Variants in ITPR2 observed in about 807,000 individuals in gnomAD.
ITPR2 encodes inositol 1,4,5-trisphosphate receptor type 2.
A neutral mutation model predicts 317.1 loss-of-function variants in ITPR2; 207 were observed. That is an observed-to-expected ratio of 0.65 (90% CI 0.58 to 0.73). The LOEUF (loss-of-function observed/expected upper bound fraction) is 0.73, where lower values mean the gene tolerates loss of function less well. ITPR2 is among the 30% of genes least tolerant of loss of function. ITPR2 has a pLI of 0.00. For missense variants in ITPR2, 2,613 were observed against 3,284.0 expected (o/e 0.80, Z 4.99); for synonymous variants, 1,156 against 1,149.1 (o/e 1.01, Z -0.12).
intron 37 of ITPR2, among the ~76,000 whole-genome samples, chr12:26,528,380 T>C (rs1843224): frequency 0.79 from 120,862 of 152,136 alleles, 48,868 homozygotes; most frequent in Non-Finnish European, 0.88. Context: ...CTTGTATGTT[T>C]GAGGAACACT....
intron 41 of ITPR2, 26 bp from the exon 42 acceptor site, chr12:26,483,924 A>G: frequency 6.3e-7 from 1 of 1,591,104 alleles, no homozygotes; most frequent in Non-Finnish European, 8.6e-7. Flanking sequence ...AATAAAATTG[A>G]AGGGTTACAA....
intron 35 of ITPR2, 42 bp from the exon 36 acceptor site, chr12:26,556,417 T>A: frequency 6.3e-7 from 1 of 1,577,322 alleles, no homozygotes; most frequent in Non-Finnish European, 8.6e-7. Context: ...AAGGCGTAAG[T>A]CAGATTTCAT....
chr12:26,420,270 C>T (rs962113110), intron 49 of ITPR2, among the ~76,000 whole-genome samples: 4 of 152,066 alleles, frequency 2.6e-5, no homozygotes, highest in East Asian at 1.9e-4. Flanking sequence ...CTAATTGTTC[C>T]GAGTTCTTTA....
At chr12:26,594,960 GA>G (rs1945804660) in intron 32 of ITPR2, among the ~76,000 whole-genome samples, 1 of 152,152 alleles carries the variant, frequency 6.6e-6, no homozygotes, top group Admixed American at 6.6e-5. Context: ...GGACACGAGT[GA>G]AAATGCCAGA....
chr12:26,489,631 T>C (rs1942752632), intron 39 of ITPR2, among the ~76,000 whole-genome samples: 1 of 152,208 alleles, frequency 6.6e-6, no homozygotes, highest in African/African-American at 2.4e-5. Flanking sequence ...TTATATTTAG[T>C]AGGTATAATT....
intron 32 of ITPR2, among the ~76,000 whole-genome samples, chr12:26,581,204 AC>A (rs1374998442): frequency 8.9e-4 from 135 of 152,310 alleles, no homozygotes; most frequent in Non-Finnish European, 2.2e-4. Flanking sequence ...AAAAGCTTTC[AC>A]ACAAATTCAT....
intron 2 of ITPR2, among the ~76,000 whole-genome samples, chr12:26,727,832 T>G (rs1948957364): frequency 1.3e-5 from 2 of 152,234 alleles, no homozygotes; most frequent in African/African-American, 4.8e-5. Flanking sequence ...CAGAAAAGAC[T>G]TCCCCACGGA....
chr12:26,720,024 T>G (rs923392314), intron 5 of ITPR2, among the ~76,000 whole-genome samples: 1 of 152,188 alleles, frequency 6.6e-6, no homozygotes, highest in African/African-American at 2.4e-5. Flanking sequence ...ATTTATGTTC[T>G]CTGCTCATAG....
intron 37 of ITPR2, among the ~76,000 whole-genome samples, chr12:26,527,368 A>G (rs1166070742): frequency 6.6e-6 from 1 of 152,250 alleles, no homozygotes. Flanking sequence ...TGATGATGAT[A>G]GAATGCCTAA....
At chr12:26,751,464 C>G (rs1465090206) in intron 2 of ITPR2, among the ~76,000 whole-genome samples, 1 of 152,140 alleles carries the variant, frequency 6.6e-6, no homozygotes, top group Admixed American at 6.5e-5. Flanking sequence ...AGGCCCAGGT[C>G]AGGGGGAACG....
chr12:26,521,500 T>A (rs1943664509), intron 37 of ITPR2, among the ~76,000 whole-genome samples: 1 of 152,204 alleles, frequency 6.6e-6, no homozygotes, highest in Admixed American at 6.5e-5. Flanking sequence ...TTATATGCAG[T>A]CAGGGGCCCC....
At chr12:26,618,227 C>T (rs1217978774) in intron 26 of ITPR2, among the ~76,000 whole-genome samples, 1 of 151,910 alleles carries the variant, frequency 6.6e-6, no homozygotes, top group Admixed American at 6.6e-5. Context: ...TTACCTTGTA[C>T]TTGAAAATAC....
At position 26,340,358 on chromosome 12, in the gene ITPR2, G is replaced by C. The variant is rs775898828; in HGVS notation, c.7858-30C>G. ...AAGCAAATAAATGTGTGCGAACAAG[G>C]GAATAAGTATGGAAGGGGAGAATGT... is the stretch of plus-strand genomic sequence containing the variant. On this transcript the variant is annotated intron_variant, in intron 55 of 56. Coordinates refer to ENST00000381340, the MANE Select transcript of ITPR2 (RefSeq NM_002223.4). 2.0e-5 allele frequency: 31 copies of C among 1,562,330 alleles called. No homozygotes were observed. The South Asian group carries it at 3.8e-4, about 19-fold the overall frequency.
intron 4 of ITPR2, among the ~76,000 whole-genome samples, chr12:26,723,067 G>A (rs1296173923): frequency 1.3e-5 from 2 of 152,066 alleles, no homozygotes; most frequent in African/African-American, 2.4e-5. Flanking sequence ...TCTGCCAGGG[G>A]ATGCTGACCC....
intron 2 of ITPR2, among the ~76,000 whole-genome samples, chr12:26,772,452 A>ACATGTAT (rs1422730388): frequency 3.1e-5 from 2 of 65,062 alleles, no homozygotes; most frequent in African/African-American, 9.6e-5. Context: ...TATATATATT[A>ACATGTAT]TATATATAAT....
In ITPR2 at chr12:26,832,974, G is replaced by A. The variant is rs1951143399; in HGVS notation, c.-193C>T. On this transcript the variant is annotated 5_prime_UTR_variant, in exon 1 of 57. Coordinates refer to ENST00000381340, the MANE Select transcript of ITPR2 (RefSeq NM_002223.4). ...GTGCGCGCCGGGGAAGCCAGACCGG[G>A]GCCAAGCCGCAGCTGCGGACACCCC... 9.3e-6 allele frequency: 5 copies of A among 535,848 alleles called. No homozygotes were observed. The East Asian group carries it at 1.8e-4, about 19-fold the overall frequency. The allele number at this position is 535,848 out of a possible 1,614,324, so 33.2% of individuals were successfully genotyped here. A position where few individuals can be genotyped will look rare whatever the true frequency, so the allele number is the denominator to read the frequency against.
At chr12:26,670,710 T>G (rs1468004965) in intron 13 of ITPR2, among the ~76,000 whole-genome samples, 2 of 152,210 alleles carry the variant, frequency 1.3e-5, no homozygotes, top group South Asian at 2.1e-4. Flanking sequence ...TAATGACTTT[T>G]ACGAGTTGAG....
chr12:26,488,463 G>A (rs1018481303), intron 39 of ITPR2, among the ~76,000 whole-genome samples: 3 of 152,018 alleles, frequency 2.0e-5, no homozygotes, highest in Non-Finnish European at 4.4e-5. Context: ...GTCTTGAAAT[G>A]GTTGCCTACT....
intron 45 of ITPR2, among the ~76,000 whole-genome samples, chr12:26,445,752 G>C (rs1941596961): frequency 6.6e-6 from 1 of 152,148 alleles, no homozygotes; most frequent in Admixed American, 6.6e-5. Flanking sequence ...GGGAGGTGAG[G>C]AAGTATAAAC....
Sources: allele counts gnomAD v4.1 joint callset (sites outside exome capture counted in the v4.1 genomes callset), GRCh38; gene constraint gnomAD v4.1.1; transcripts MANE v1.5; gene names NCBI Gene and HGNC (gene_info 2026-07-23, HGNC 2026-07-21).